Variants in CRLF1 observed in about 807,000 individuals in gnomAD.
CRLF1 encodes cytokine receptor-like factor 1.
In CRLF1, 36 loss-of-function variants were observed where a neutral mutation model predicts 48.9. The ratio of observed to expected loss-of-function variants is 0.74; its 90% CI spans 0.56 to 0.97. The LOEUF (loss-of-function observed/expected upper bound fraction) is 0.97, where lower values mean the gene tolerates loss of function less well. Among genes scored for constraint, CRLF1 ranks in the 50% least tolerant of loss-of-function variants. The pLI, the probability that CRLF1 is intolerant of heterozygous loss-of-function variation, is 0.00. For synonymous variants in CRLF1, 256 were observed against 253.4 expected (o/e 1.01, Z -0.10); for missense variants, 534 against 575.1 (o/e 0.93, Z 0.73).
chr19:18,606,583 A>G lies in CRLF1; in HGVS notation c.74T>C (p.Leu25Pro). Residue 25 changes from leucine (L) to proline (P), a missense_variant, in exon 1 of 9, where the codon CTG becomes CCG. Coordinates refer to ENST00000392386, the MANE Select transcript of CRLF1 (RefSeq NM_004750.5). The surrounding 1 kb of genome is among the most constrained non-coding windows in gnomAD (Gnocchi z 4.8). ...RPPPLLPLLLLLCVLGAPRAG... is the reference protein window; with the variant it reads ...RPPPLLPLLLPLCVLGAPRAG... ...TCGCGGCGCCCCGAGGACGCAGAGC[A>G]GCAGCAGCAGGGGCAGCAACGGCGG... The G allele has an allele frequency of 9.2e-7, 1 of 1,086,062 alleles. No homozygotes were observed. The highest frequency in any genetic ancestry group is 1.1e-6 in the Non-Finnish European group (1 of 907,222). The allele number at this position is 1,086,062 out of a possible 1,614,324, so 67.3% of individuals were successfully genotyped here.
Position 18,597,035 on chromosome 19 carries a change from G to C in CRLF1, c.712C>G (p.Pro238Ala). 6.2e-7 allele frequency: 1 copy of C among 1,612,644 alleles called. No homozygotes were observed. The highest frequency in any genetic ancestry group is 8.5e-7 in the Non-Finnish European group (1 of 1,179,502). ...ACGCGGCTCACGTGCACGTCGGGCGGGGGGTCCGTGGTCACTGCGGGGCAG... is the reference window on the plus strand; with the variant it reads ...ACGCGGCTCACGTGCACGTCGGGCGCGGGGTCCGTGGTCACTGCGGGGCAG... ...DILDVVTTDPPPDVHVSRVGG... is the reference protein window; with the variant it reads ...DILDVVTTDPAPDVHVSRVGG... The change falls in exon 5 of 9, where the codon CCG (proline) becomes GCG (alanine). Residue 238 changes from proline (P) to alanine (A), a missense_variant. Around this residue, in one of 2 missense-constraint regions of CRLF1, gnomAD observed 528 missense variants for 555.7 expected, o/e 0.95. Transcript: ENST00000392386.
At chr19:18,601,935 C>T (rs144720158) in intron 1 of CRLF1, among the ~76,000 whole-genome samples, 1 of 152,348 alleles carries the variant, frequency 6.6e-6, no homozygotes, top group African/African-American at 2.4e-5. Flanking sequence ...CCCTGGCAAA[C>T]TGCACGTCCC....
At chr19:18,593,995 C>G (rs965981827) in intron 8 of CRLF1, 70 bp downstream of exon 8, 1 of 1,534,412 alleles carries the variant, frequency 6.5e-7, no homozygotes, top group Non-Finnish European at 8.8e-7. Flanking sequence ...GGGGTGTGAA[C>G]AAGACCTGCA....
intron 6 of CRLF1, among the ~76,000 whole-genome samples, chr19:18,595,321 G>A (rs1381967951): frequency 6.6e-6 from 1 of 152,326 alleles, no homozygotes; most frequent in South Asian, 2.1e-4. Context: ...GGCCCCTCCC[G>A]GCTGCGCTTG....
rs977669834 is a variant in CRLF1 at position 18,600,503 on chromosome 19, G to C, written c.116-657C>G. ...CCTGCCTCAGCCTCCCAAGTAGCTA[G>C]GACTACGCGCCCGCCACCACGCCTG... On this transcript the variant is annotated intron_variant, in intron 1 of 8. Coordinates refer to ENST00000392386, the MANE Select transcript of CRLF1 (RefSeq NM_004750.5). Among the ~76,000 whole-genome samples the C allele has an allele frequency of 2.0e-5, 3 of 152,176 alleles. No individual in the cohort carries two copies. In the East Asian group the frequency reaches 5.8e-4, roughly 29 times the overall value.
intron 6 of CRLF1, among the ~76,000 whole-genome samples, chr19:18,596,149 T>C (rs988414959): frequency 2.0e-5 from 3 of 152,228 alleles, no homozygotes; most frequent in African/African-American, 7.2e-5. Flanking sequence ...AAACTTTTTT[T>C]TTGTTTTCCA....
At chr19:18,595,186 G>A (rs999320762) in intron 6 of CRLF1, among the ~76,000 whole-genome samples, 2 of 152,206 alleles carry the variant, frequency 1.3e-5, no homozygotes, top group Admixed American at 6.5e-5. Context: ...GCCCTGGCAC[G>A]GCCCCGGCCC....
At chr19:18,605,373 G>A (rs1367534551) in intron 1 of CRLF1, among the ~76,000 whole-genome samples, 1 of 152,202 alleles carries the variant, frequency 6.6e-6, no homozygotes, top group Admixed American at 6.5e-5. Context: ...CAGGCAGCCC[G>A]CAAACAGCCC....
At chr19:18,605,455 G>C (rs1600658274) in intron 1 of CRLF1, among the ~76,000 whole-genome samples, 1 of 152,336 alleles carries the variant, frequency 6.6e-6, no homozygotes, top group African/African-American at 2.4e-5. Context: ...GCCTGGATGG[G>C]GTGCGTGGAG....
In CRLF1 at chr19:18,593,824, CGGA is replaced by C. The variant is rs1367317422; in HGVS notation, c.1255+238_1255+240del. The C allele has an allele frequency of 6.3e-5, 62 of 985,460 alleles. 1 individual carries two copies. The East Asian group carries it at 5.3e-3, about 85-fold the overall frequency. 61.0% of individuals were successfully genotyped at this position (985,460 alleles called of 1,614,324 possible). A position where few individuals can be genotyped will look rare whatever the true frequency, so the allele number is the denominator to read the frequency against. On this transcript the variant is annotated intron_variant, in intron 8 of 8. Coordinates refer to ENST00000392386, the MANE Select transcript of CRLF1 (RefSeq NM_004750.5). Reference sequence around the variant, plus strand: ...CTAGGGTGAGTATGTTCATTCATTTCGGAGGAGATTCCACTTCGGACATTTTCA... The same window carrying C: ...CTAGGGTGAGTATGTTCATTCATTTCGGAGATTCCACTTCGGACATTTTCA...
In CRLF1 at chr19:18,594,334, C is replaced by G; in HGVS notation, c.1125G>C (p.Lys375Asn). The G allele has an allele frequency of 6.2e-7, 1 of 1,612,402 alleles. No individual in the cohort carries two copies. The highest frequency in any genetic ancestry group is 8.5e-7 in the Non-Finnish European group (1 of 1,179,814). Residue 375 changes from lysine (K) to asparagine (N), a missense_variant, in exon 7 of 9, where the codon AAG becomes AAC. Lys to Asn is a moderately conservative substitution (Grantham distance 94). Transcript: ENST00000392386. ...RELKQFLGWL[K>N]KHAYCSNLSF... The stretch of plus-strand genomic sequence containing the variant: ...TGAGGTTGGAGCAGTACGCGTGCTT[C>G]TTGAGCCAGCCCAGGAACTGCTTGA...
rs1371541048 is a variant in CRLF1 at position 18,606,077 on chromosome 19, GC to G, written c.115+464del. 1.3e-5 allele frequency among the ~76,000 whole-genome samples: 2 copies of G among 151,538 alleles called. No individual in the cohort carries two copies. The highest frequency in any genetic ancestry group is 4.8e-5 in the African/African-American group (2 of 41,298). On this transcript the variant is annotated intron_variant, in intron 1 of 8. Transcript: ENST00000392386. This position sits in a 1 kb window ranked among gnomAD's most constrained non-coding sequence, Gnocchi z 4.8. ...GGCTGCGCGCCAGGCGGCCAGAGCG[GC>G]CCCCCTGCAGCCCCGCCCTCCCCGT... is the stretch of plus-strand genomic sequence containing the variant.
chr19:18,594,010 C>G, intron 8 of CRLF1, 55 bp downstream of exon 8: 3 of 1,538,980 alleles, frequency 1.9e-6, no homozygotes, highest in Non-Finnish European at 2.6e-6. Flanking sequence ...CCTGCAGCCA[C>G]CGGAAGGGGC....
Position 18,596,277 on chromosome 19 carries a change from A to T in CRLF1, c.1024+345T>A, listed in dbSNP as rs561033699. The stretch of plus-strand genomic sequence containing the variant: ...AAACAGGCTGGGCATGGTGTCTCAC[A>T]CCTGTAATCCCAGCACTTTGGGAGG... On this transcript the variant is annotated intron_variant, in intron 6 of 8. Coordinates refer to ENST00000392386, the MANE Select transcript of CRLF1 (RefSeq NM_004750.5). 5.3e-5 allele frequency among the ~76,000 whole-genome samples: 8 copies of T among 152,228 alleles called. 1 individual carries two copies. The South Asian group carries it at 1.7e-3, about 32-fold the overall frequency.
At position 18,606,129 on chromosome 19, in the gene CRLF1, G is replaced by C. The variant is rs1319583752; in HGVS notation, c.115+413C>G. On this transcript the variant is annotated intron_variant, in intron 1 of 8. Transcript: ENST00000392386. This position sits in a 1 kb window ranked among gnomAD's most constrained non-coding sequence, Gnocchi z 4.8. ...GGGGCTCATCCCTCCGCCTGGGGGG[G>C]CCCGCTGGGGGCCCGCACCCAGCGC... Among the ~76,000 whole-genome samples, 1 of 151,410 alleles carries C rather than the reference G, an allele frequency of 6.6e-6. No individual in the cohort carries two copies. The highest frequency in any genetic ancestry group is 2.4e-5 in the African/African-American group (1 of 41,268).
chr19:18,600,995 G>A (rs1225287146), intron 1 of CRLF1, among the ~76,000 whole-genome samples: 1 of 152,042 alleles, frequency 6.6e-6, no homozygotes, highest in South Asian at 2.1e-4. Context: ...TTTTAGAGAT[G>A]AGGTCTCGCT....
chr19:18,594,805 G>A (rs1407672867), intron 6 of CRLF1, among the ~76,000 whole-genome samples: 1 of 152,094 alleles, frequency 6.6e-6, no homozygotes, highest in Non-Finnish European at 1.5e-5. Context: ...AAAAGAGAAA[G>A]GGAGAAAGAC....
intron 1 of CRLF1, among the ~76,000 whole-genome samples, chr19:18,602,324 G>A (rs1464473265): frequency 2.6e-5 from 4 of 152,206 alleles, no homozygotes; most frequent in Non-Finnish European, 5.9e-5. Flanking sequence ...ATGTCATGGG[G>A]TTGGCTGGGT....
rs1259526705 is a variant in CRLF1, at chr19:18,598,632, G to T, written c.528-31C>A. 3 of 1,613,794 alleles carry T rather than the reference G, an allele frequency of 1.9e-6. No individual in the cohort carries two copies. In the African/African-American group the frequency reaches 4.0e-5, roughly 22 times the overall value. ...GGGATGGGAGGGCGACAGGACGCAT[G>T]AGGGTTCCTTGTGGCCCCCAGACCT... is the stretch of plus-strand genomic sequence containing the variant. On this transcript the variant is annotated intron_variant, in intron 3 of 8. Coordinates refer to ENST00000392386, the MANE Select transcript of CRLF1 (RefSeq NM_004750.5).
Sources: gnomAD v4.1 joint callset for allele counts (sites outside exome capture counted in the v4.1 genomes callset) on GRCh38, gnomAD v4.1.1 for gene constraint, gnomAD v4.1.1 regional missense constraint, Gnocchi (gnomAD v3.1) non-coding constraint, MANE v1.5 for transcripts, NCBI Gene and HGNC (gene_info 2026-07-23, HGNC 2026-07-21) for gene names.